VAV3: variants seen among roughly 807,000 people sequenced by gnomAD.
VAV3 encodes guanine nucleotide exchange factor VAV3.
VAV3 carries 94 observed loss-of-function variants against 131.2 expected under a neutral mutation model. The ratio of observed to expected loss-of-function variants is 0.72; its 90% CI spans 0.61 to 0.85. The LOEUF (loss-of-function observed/expected upper bound fraction) is 0.85, where lower values mean the gene tolerates loss of function less well. Ranked by LOEUF, VAV3 falls within the 40% of genes least tolerant of loss-of-function variation. VAV3 has a pLI of 0.00. For synonymous variants in VAV3, 349 were observed against 342.0 expected (o/e 1.02, Z -0.22); for missense variants, 939 against 1,002.7 (o/e 0.94, Z 0.86).
intron 18 of VAV3, among the ~76,000 whole-genome samples, chr1:107,686,762 T>C (rs1659056913): frequency 1.3e-5 from 2 of 152,204 alleles, no homozygotes; most frequent in African/African-American, 2.4e-5. Flanking sequence ...TAATTCCTTG[T>C]ATCATAGGCT....
chr1:107,587,543 G>C (rs181936813), intron 25 of VAV3, among the ~76,000 whole-genome samples: 11 of 152,284 alleles, frequency 7.2e-5, no homozygotes, highest in African/African-American at 2.4e-4. Context: ...ACTGCATTGA[G>C]ACCAGTTATG....
intron 1 of VAV3, chr1:107,963,745 T>C (rs1435076055): frequency 6.7e-6 from 1 of 148,630 alleles, no homozygotes; most frequent in Non-Finnish European, 1.5e-5. Flanking sequence ...AGCAGTTTGG[T>C]TTTTTGTTTT....
chr1:107,604,017 C>T (rs1161427552), intron 22 of VAV3, among the ~76,000 whole-genome samples: 1 of 145,644 alleles, frequency 6.9e-6, no homozygotes, highest in Non-Finnish European at 1.5e-5. Context: ...CATACAGAAA[C>T]TCCATAATAA....
intron 2 of VAV3, among the ~76,000 whole-genome samples, chr1:107,844,425 T>G (rs1032886462): frequency 6.6e-6 from 1 of 151,810 alleles, no homozygotes; most frequent in African/African-American, 2.4e-5. Context: ...GCTGCAGAAG[T>G]TTTTTTTCCG....
intron 2 of VAV3, 101 bp downstream of exon 2, chr1:107,874,800 T>C (rs1194281262): frequency 9.7e-7 from 1 of 1,035,330 alleles, no homozygotes; most frequent in Non-Finnish European, 1.5e-6. Flanking sequence ...ATAATGCAGA[T>C]ACATAAACCA....
At chr1:107,684,830 A>G (rs149308554) in intron 18 of VAV3, among the ~76,000 whole-genome samples, 2 of 152,358 alleles carry the variant, frequency 1.3e-5, no homozygotes, top group African/African-American at 4.8e-5. Flanking sequence ...ATGTCTGATA[A>G]TATGAAAGAA....
At chr1:107,744,166 A>G (rs1663187649) in intron 15 of VAV3, among the ~76,000 whole-genome samples, 1 of 152,194 alleles carries the variant, frequency 6.6e-6, no homozygotes, top group African/African-American at 2.4e-5. Flanking sequence ...CCAGAGCTCT[A>G]GAATCTCCAT....
At chr1:107,726,340 A>G (rs1661835178) in intron 15 of VAV3, among the ~76,000 whole-genome samples, 1 of 152,218 alleles carries the variant, frequency 6.6e-6, no homozygotes, top group East Asian at 1.9e-4. Flanking sequence ...CACAAGCTAC[A>G]GGAATTCCGC....
At position 107,906,516 on chromosome 1, in the gene VAV3, A is replaced by G. The variant is rs578160366; in HGVS notation, c.205-31499T>C. On this transcript the variant is annotated intron_variant, in intron 1 of 26. Transcript: ENST00000370056. ...CGTCTCTACTAAAAACACACAAAAA[A>G]TTAGCCGGGCGTGGTGGCAGGCACC... Among the ~76,000 whole-genome samples, 5 of 152,162 alleles carry G rather than the reference A, an allele frequency of 3.3e-5. 1 individual carries two copies. Among genetic ancestry groups the G allele is most frequent in the African/African-American group, 1.2e-4 (5 of 41,536 alleles).
chr1:107,867,525 A>G (rs889700834), intron 2 of VAV3, among the ~76,000 whole-genome samples: 1 of 152,202 alleles, frequency 6.6e-6, no homozygotes, highest in East Asian at 1.9e-4. Flanking sequence ...AGCCAGCCAG[A>G]CACATACATT....
intron 2 of VAV3, among the ~76,000 whole-genome samples, chr1:107,807,918 T>C (rs1667138278): frequency 6.6e-6 from 1 of 152,180 alleles, no homozygotes; most frequent in Admixed American, 6.5e-5. Flanking sequence ...TAAAGAAACT[T>C]GTACATTTAC....
At chr1:107,753,415 T>G (rs181759485) in intron 12 of VAV3, among the ~76,000 whole-genome samples, 1 of 151,074 alleles carries the variant, frequency 6.6e-6, no homozygotes, top group East Asian at 2.0e-4. Context: ...AATTTGAAAA[T>G]AATTAGAATG....
chr1:107,720,425 AAAT>A (rs1466990290), intron 15 of VAV3, among the ~76,000 whole-genome samples: 3 of 134,984 alleles, frequency 2.2e-5, no homozygotes, highest in South Asian at 2.4e-4. Flanking sequence ...ATAAATAAAT[AAAT>A]AAAAGTTCCA....
chr1:107,849,793 T>C (rs1484786226), intron 2 of VAV3, among the ~76,000 whole-genome samples: 1 of 152,108 alleles, frequency 6.6e-6, no homozygotes, highest in Non-Finnish European at 1.5e-5. Flanking sequence ...ACCTACAGAA[T>C]AGGAGAAAAT....
intron 2 of VAV3, among the ~76,000 whole-genome samples, chr1:107,861,622 A>G (rs968507601): frequency 7.3e-5 from 11 of 151,720 alleles, no homozygotes; most frequent in African/African-American, 2.6e-4. Flanking sequence ...TTTGACCTAG[A>G]CTGACCAATA....
At chr1:107,923,992 T>C (rs1049328569) in intron 1 of VAV3, among the ~76,000 whole-genome samples, 1 of 152,316 alleles carries the variant, frequency 6.6e-6, no homozygotes, top group African/African-American at 2.4e-5. Context: ...TCCTGTTGTT[T>C]ATAAGCTCCC....
At chr1:107,605,498 C>T (rs1203635562) in intron 22 of VAV3, among the ~76,000 whole-genome samples, 1 of 152,184 alleles carries the variant, frequency 6.6e-6, no homozygotes. Context: ...GACTGCCCAA[C>T]TTTTAGAACC....
chr1:107,636,161 T>C (rs1002921893), intron 20 of VAV3, among the ~76,000 whole-genome samples: 2 of 152,166 alleles, frequency 1.3e-5, no homozygotes, highest in Non-Finnish European at 2.9e-5. Context: ...AACAAGAAAT[T>C]ATGGAATTGC....
chr1:107,743,988 G>A (rs1663172633), intron 15 of VAV3, among the ~76,000 whole-genome samples: 1 of 152,202 alleles, frequency 6.6e-6, no homozygotes, highest in Admixed American at 6.5e-5. Context: ...GAAACACTGT[G>A]CCTCAGATTA....
Sources: gnomAD v4.1 joint callset for allele counts (sites outside exome capture counted in the v4.1 genomes callset) on GRCh38, gnomAD v4.1.1 for gene constraint, MANE v1.5 for transcripts, NCBI Gene and HGNC (gene_info 2026-07-23, HGNC 2026-07-21) for gene names.